The following PLCB1 variants were observed in gnomAD, a reference collection of about 807,000 sequenced individuals.
The protein encoded by PLCB1 is phospholipase C beta 1, also known as 1-phosphatidylinositol 4,5-bisphosphate phosphodiesterase beta-1.
Under a neutral mutation model 161.8 loss-of-function variants are expected in PLCB1, and 46 were observed. That is an observed-to-expected ratio of 0.28 (90% CI 0.22 to 0.36). PLCB1 has a LOEUF of 0.36. Ranked by LOEUF, PLCB1 falls within the 10% of genes least tolerant of loss-of-function variation. PLCB1 has a pLI of 1.00. For missense variants in PLCB1, 1,016 were observed against 1,472.5 expected (o/e 0.69, Z 5.07); for synonymous variants, 517 against 503.7 (o/e 1.03, Z -0.35).
intron 12 of PLCB1, among the ~76,000 whole-genome samples, chr20:8,711,963 C>G (rs1600268795): frequency 6.6e-6 from 1 of 152,164 alleles, no homozygotes. Flanking sequence ...GAACTCTGGT[C>G]CCAGCTCACT....
At chr20:8,480,361 G>A (rs974576589) in intron 3 of PLCB1, among the ~76,000 whole-genome samples, 1 of 152,156 alleles carries the variant, frequency 6.6e-6, no homozygotes, top group Non-Finnish European at 1.5e-5. Flanking sequence ...AAAAGGGATA[G>A]GAAGCAAACT....
chr20:8,793,390 G>A (rs1467067141), intron 31 of PLCB1, among the ~76,000 whole-genome samples: 1 of 152,116 alleles, frequency 6.6e-6, no homozygotes, highest in Non-Finnish European at 1.5e-5. Flanking sequence ...TTTACAGATG[G>A]TATCGGGGAA....
intron 31 of PLCB1, among the ~76,000 whole-genome samples, chr20:8,881,358 T>TGTGTGC (rs369188885): frequency 3.0e-4 from 45 of 150,616 alleles, no homozygotes; most frequent in East Asian, 5.8e-4. Context: ...TGTGTGTGTG[T>TGTGTGC]GCATTTGTAG....
At position 8,510,995 on chromosome 20, in the gene PLCB1, G is replaced by A. The variant is rs117687173; in HGVS notation, c.247-117299G>A. On this transcript the variant is annotated intron_variant, in intron 3 of 31. Coordinates refer to ENST00000338037, the MANE Select transcript of PLCB1 (RefSeq NM_015192.4). Reference sequence around the variant, plus strand: ...CACACACTAATCATTATTTTGTAGTGAGAACACTTAAAATCTGCACTGTTA... The same window carrying A: ...CACACACTAATCATTATTTTGTAGTAAGAACACTTAAAATCTGCACTGTTA... Among the ~76,000 whole-genome samples, 1,517 of 152,000 alleles carry A rather than the reference G, an allele frequency of 1.0e-2. 14 individuals are homozygous for A. Among genetic ancestry groups the A allele is most frequent in the Non-Finnish European group, 0.018 (1,202 of 67,986 alleles).
intron 31 of PLCB1, among the ~76,000 whole-genome samples, chr20:8,858,708 A>C (rs1350323456): frequency 2.0e-5 from 3 of 152,098 alleles, no homozygotes; most frequent in Admixed American, 6.6e-5. Context: ...GGGTCATAGG[A>C]ATATTTCAAC....
At chr20:8,586,923 G>A (rs6086519) in intron 3 of PLCB1, among the ~76,000 whole-genome samples, 19,757 of 152,126 alleles carry the variant, frequency 0.13, 1,310 homozygotes, top group South Asian at 0.19. Flanking sequence ...TGGAATCTGC[G>A]AGATAGAAAT....
intron 1 of PLCB1, among the ~76,000 whole-genome samples, chr20:8,146,034 T>C (rs984876034): frequency 1.5e-4 from 23 of 152,010 alleles, no homozygotes; most frequent in Non-Finnish European, 2.9e-4. Context: ...ACAGGGGCCA[T>C]GTCGCTTCCA....
intron 3 of PLCB1, among the ~76,000 whole-genome samples, chr20:8,614,248 A>G (rs1374447051): frequency 1.3e-5 from 2 of 152,116 alleles, no homozygotes; most frequent in African/African-American, 2.4e-5. Flanking sequence ...TGTAGGTACG[A>G]TAAGTTGAAA....
chr20:8,523,496 C>CTATATATATATATATATATA (rs777011717), intron 3 of PLCB1, among the ~76,000 whole-genome samples: 3 of 51,654 alleles, frequency 5.8e-5, no homozygotes, highest in East Asian at 4.0e-4. Context: ...CTCTCTCTCT[C>CTATATATATATATATATATA]TATATATATA....
intron 3 of PLCB1, among the ~76,000 whole-genome samples, chr20:8,508,282 T>C (rs1011353844): frequency 6.6e-6 from 1 of 152,192 alleles, no homozygotes; most frequent in African/African-American, 2.4e-5. Flanking sequence ...TCAACTTCAA[T>C]CCAACTCAAG....
intron 3 of PLCB1, among the ~76,000 whole-genome samples, chr20:8,382,573 TCTCA>T (rs1987292530): frequency 7.1e-6 from 1 of 141,206 alleles, no homozygotes; most frequent in East Asian, 2.1e-4. Context: ...TGAGACACAG[TCTCA>T]CTCTGCCACC....
At chr20:8,476,363 C>A (rs1982280050) in intron 3 of PLCB1, among the ~76,000 whole-genome samples, 1 of 152,212 alleles carries the variant, frequency 6.6e-6, no homozygotes, top group Non-Finnish European at 1.5e-5. Flanking sequence ...GAAGCATGAT[C>A]TCACACAGCA....
chr20:8,771,713 A>G (rs747247212), intron 26 of PLCB1, among the ~76,000 whole-genome samples: 33 of 152,296 alleles, frequency 2.2e-4, no homozygotes, highest in Admixed American at 6.5e-4. Context: ...CATAGTATCT[A>G]AAGATACGTC....
chr20:8,744,662 AT>A (rs1981075284), intron 23 of PLCB1, among the ~76,000 whole-genome samples: 1 of 150,246 alleles, frequency 6.7e-6, no homozygotes, highest in Non-Finnish European at 1.5e-5. Flanking sequence ...AAATAAAAAA[AT>A]AAAATTGTTT....
chr20:8,651,409 A>G (rs917052699), intron 7 of PLCB1: 8 of 719,988 alleles, frequency 1.1e-5, no homozygotes, highest in Non-Finnish European at 1.8e-5. Flanking sequence ...CCTTTCTTCT[A>G]TAGGTGGAAA....
At chr20:8,548,282 TTTC>T (rs1208766520) in intron 3 of PLCB1, among the ~76,000 whole-genome samples, 1 of 141,898 alleles carries the variant, frequency 7.0e-6, no homozygotes, top group African/African-American at 2.7e-5. Context: ...TCATTTTTTC[TTTC>T]TTTCTTTGTT....
chr20:8,754,145 T>C (rs1981619985), intron 23 of PLCB1, among the ~76,000 whole-genome samples: 1 of 152,214 alleles, frequency 6.6e-6, no homozygotes, highest in Admixed American at 6.5e-5. Context: ...ATCTGCTTTT[T>C]AAAAATGTCT....
chr20:8,858,628 G>A (rs1231310760), intron 31 of PLCB1, among the ~76,000 whole-genome samples: 1 of 152,074 alleles, frequency 6.6e-6, no homozygotes, highest in Non-Finnish European at 1.5e-5. Flanking sequence ...TTCCACTGAT[G>A]GGTTCAATGG....
chr20:8,826,240 A>C (rs1339871227), intron 31 of PLCB1, among the ~76,000 whole-genome samples: 1 of 152,210 alleles, frequency 6.6e-6, no homozygotes, highest in Non-Finnish European at 1.5e-5. Flanking sequence ...TCACATCTGT[A>C]ATCCCAGCAC....
Sources: allele counts gnomAD v4.1 joint callset (sites outside exome capture counted in the v4.1 genomes callset), GRCh38; gene constraint gnomAD v4.1.1; transcripts MANE v1.5; gene names NCBI Gene and HGNC (gene_info 2026-07-23, HGNC 2026-07-21).